The following DPP10 variants were observed in gnomAD, a reference collection of about 807,000 sequenced individuals.
DPP10 encodes dipeptidyl peptidase like 10.
In DPP10, 33 loss-of-function variants were observed where a neutral mutation model predicts 120.9. That is an observed-to-expected ratio of 0.27 (90% CI 0.21 to 0.37). DPP10 has a LOEUF of 0.37. DPP10 is among the 10% of genes least tolerant of loss of function. DPP10 has a pLI of 1.00. For missense variants in DPP10, 816 were observed against 942.8 expected (o/e 0.87, Z 1.76); for synonymous variants, 337 against 326.1 (o/e 1.03, Z -0.36).
At chr2:115,303,284 C>G (rs116700927) in intron 1 of DPP10, among the ~76,000 whole-genome samples, 6 of 151,760 alleles carry the variant, frequency 4.0e-5, no homozygotes, top group Admixed American at 3.9e-4. Context: ...TTCTTGGAGG[C>G]AAAAATCAGA....
rs1424086742 is a variant in DPP10, at chr2:115,281,964, CTGT to C, written c.61-27267_61-27265del. Among the ~76,000 whole-genome samples, 9 of 152,046 alleles carry C rather than the reference CTGT, an allele frequency of 5.9e-5. No homozygotes were observed. In the East Asian group the frequency reaches 1.2e-3, roughly 20 times the overall value. On this transcript the variant is annotated intron_variant, in intron 1 of 25. Coordinates refer to ENST00000410059, the MANE Select transcript of DPP10 (RefSeq NM_020868.6). Reference sequence around the variant, plus strand: ...TTTTTACATATGTACTTAAAAATTACTGTTGTTGTTATTATTATTACATTTGTA... The same window carrying C: ...TTTTTACATATGTACTTAAAAATTACTGTTGTTATTATTATTACATTTGTA...
At chr2:114,987,900 T>C (rs1574640662) in intron 1 of DPP10, among the ~76,000 whole-genome samples, 3 of 146,266 alleles carry the variant, frequency 2.1e-5, no homozygotes, top group Non-Finnish European at 4.5e-5. Context: ...GCCTCCCGGG[T>C]TCACACCATT....
In DPP10 at chr2:114,556,234, C is replaced by CATATATATATAT. The variant is rs56772742; in HGVS notation, c.60+113420_60+113431dup. Among the ~76,000 whole-genome samples the CATATATATATAT allele has an allele frequency of 2.7e-3, 236 of 86,884 alleles. 5 individuals carry two copies. The highest frequency in any genetic ancestry group is 4.8e-3 in the East Asian group (12 of 2,514). The allele number at this position is 86,884 out of a possible 152,430, so 57.0% of individuals were successfully genotyped here. A position where few individuals can be genotyped will look rare whatever the true frequency, so the allele number is the denominator to read the frequency against. On this transcript the variant is annotated intron_variant, in intron 1 of 25. Transcript: ENST00000410059. ...GAGAAACAGTGATACATAGATGATA[C>CATATATATATAT]ATATATATATATATATATATATATA...
In DPP10 at chr2:114,719,132, C is replaced by T. The variant is rs900944145; in HGVS notation, c.60+276294C>T. Among the ~76,000 whole-genome samples, 5 of 152,102 alleles carry T rather than the reference C, an allele frequency of 3.3e-5. No individual in the cohort carries two copies. The South Asian group carries it at 1.0e-3, about 32-fold the overall frequency. Reference sequence around the variant, plus strand: ...CAACTAGGAATATCCTGTAAATGTGCCATAAAATACTTGACTTAGCTTTAG... The same window carrying T: ...CAACTAGGAATATCCTGTAAATGTGTCATAAAATACTTGACTTAGCTTTAG... On this transcript the variant is annotated intron_variant, in intron 1 of 25. Coordinates refer to ENST00000410059, the MANE Select transcript of DPP10 (RefSeq NM_020868.6).
intron 1 of DPP10, among the ~76,000 whole-genome samples, chr2:115,194,925 C>G (rs974279147): frequency 1.3e-5 from 2 of 152,098 alleles, no homozygotes; most frequent in Non-Finnish European, 2.9e-5. Context: ...TTATGAAGAG[C>G]CTTTGATGCA....
At chr2:115,778,902 T>C (rs1034304181) in intron 15 of DPP10, among the ~76,000 whole-genome samples, 2 of 152,120 alleles carry the variant, frequency 1.3e-5, no homozygotes, top group South Asian at 2.1e-4. Context: ...CATATAGAGA[T>C]AGTGATTTGA....
At chr2:114,793,332 G>A (rs889255485) in intron 1 of DPP10, among the ~76,000 whole-genome samples, 1 of 151,874 alleles carries the variant, frequency 6.6e-6, no homozygotes, top group African/African-American at 2.4e-5. Context: ...AGTGCGTGAT[G>A]TTCCCCTCCC....
At chr2:115,444,618 C>A (rs1424203081) in intron 3 of DPP10, among the ~76,000 whole-genome samples, 7 of 152,216 alleles carry the variant, frequency 4.6e-5, no homozygotes, top group Admixed American at 3.3e-4. Context: ...TGTCTGTTAA[C>A]CAAGTTCCAA....
intron 1 of DPP10, among the ~76,000 whole-genome samples, chr2:114,876,925 T>C (rs1429392300): frequency 6.6e-6 from 1 of 152,060 alleles, no homozygotes; most frequent in African/African-American, 2.4e-5. Flanking sequence ...GACTTTTCCT[T>C]TCCTCTGCAG....
chr2:114,602,915 T>C (rs1234767511), intron 1 of DPP10, among the ~76,000 whole-genome samples: 1 of 152,032 alleles, frequency 6.6e-6, no homozygotes, highest in Non-Finnish European at 1.5e-5. Context: ...AAATTTGAGT[T>C]TGGAGTTGAT....
intron 1 of DPP10, among the ~76,000 whole-genome samples, chr2:114,853,860 A>G (rs1267771816): frequency 6.6e-6 from 1 of 152,146 alleles, no homozygotes; most frequent in Non-Finnish European, 1.5e-5. Context: ...TGTGGTTGTG[A>G]AACCATGTGA....
chr2:114,780,581 A>C (rs529147471), intron 1 of DPP10, among the ~76,000 whole-genome samples: 12 of 152,136 alleles, frequency 7.9e-5, no homozygotes, highest in Non-Finnish European at 1.5e-4. Context: ...TACAATAGCT[A>C]TTATTACAAT....
At chr2:114,557,593 A>T (rs1688428127) in intron 1 of DPP10, among the ~76,000 whole-genome samples, 1 of 152,158 alleles carries the variant, frequency 6.6e-6, no homozygotes, top group Non-Finnish European at 1.5e-5. Context: ...ATTAACCATT[A>T]GTATTTGTGT....
rs1332083753 is a variant in DPP10 at position 115,265,930 on chromosome 2, C to T, written c.61-43309C>T. Among the ~76,000 whole-genome samples, 13 of 138,954 alleles carry T rather than the reference C, an allele frequency of 9.4e-5. No homozygotes were observed. The South Asian group carries it at 1.3e-3, about 14-fold the overall frequency. The allele number at this position is 138,954 out of a possible 152,430, so 91.2% of individuals were successfully genotyped here. On this transcript the variant is annotated intron_variant, in intron 1 of 25. Transcript: ENST00000410059. Reference sequence around the variant, plus strand: ...CTGCAATCCAGCCTGAGCGATGGAGCGAGACTCTATTTCAAAAAAAAAAAA... The same window carrying T: ...CTGCAATCCAGCCTGAGCGATGGAGTGAGACTCTATTTCAAAAAAAAAAAA...
intron 1 of DPP10, among the ~76,000 whole-genome samples, chr2:114,910,097 A>G (rs1694257008): frequency 6.6e-6 from 1 of 151,804 alleles, no homozygotes; most frequent in African/African-American, 2.4e-5. Flanking sequence ...CTACTGTAGT[A>G]TAATTTTGGT....
At chr2:114,563,979 G>T (rs112934875) in intron 1 of DPP10, among the ~76,000 whole-genome samples, 2 of 152,270 alleles carry the variant, frequency 1.3e-5, no homozygotes, top group Admixed American at 6.5e-5. Flanking sequence ...CAGCTCACCC[G>T]CTGGGATAGC....
chr2:115,547,367 T>A (rs2079574402), intron 5 of DPP10, among the ~76,000 whole-genome samples: 1 of 152,198 alleles, frequency 6.6e-6, no homozygotes. Flanking sequence ...TGAGAGTATT[T>A]AAGACTTCCG....
chr2:114,752,532 C>G (rs72830387), intron 1 of DPP10, among the ~76,000 whole-genome samples: 1,862 of 152,288 alleles, frequency 0.012, 19 homozygotes, highest in Middle Eastern at 0.034. Flanking sequence ...TATAGCTGTA[C>G]AGTAAAGATA....
intron 1 of DPP10, among the ~76,000 whole-genome samples, chr2:114,850,077 A>C (rs1688838867): frequency 7.5e-6 from 1 of 132,632 alleles, no homozygotes; most frequent in Non-Finnish European, 1.5e-5. Flanking sequence ...TAAGAGAAGC[A>C]GTTTCTCTAT....
Sources: allele counts gnomAD v4.1 joint callset (sites outside exome capture counted in the v4.1 genomes callset), GRCh38; gene constraint gnomAD v4.1.1; transcripts MANE v1.5; gene names NCBI Gene and HGNC (gene_info 2026-07-23, HGNC 2026-07-21).